The following GALNTL6 variants were observed in gnomAD, a reference collection of about 807,000 sequenced individuals.
The protein encoded by GALNTL6 is polypeptide N-acetylgalactosaminyltransferase like 6, also known as polypeptide N-acetylgalactosaminyltransferase-like 6.
In GALNTL6, 46 loss-of-function variants were observed where a neutral mutation model predicts 73.7. The ratio of observed to expected loss-of-function variants is 0.62; its 90% confidence interval spans 0.49 to 0.80. GALNTL6 has a LOEUF of 0.80. Ranked by LOEUF, GALNTL6 falls within the 30% of genes least tolerant of loss-of-function variation. The probability of loss-of-function intolerance (pLI) is 0.00; values close to 1 mark genes in which losing one functional copy is unlikely to be tolerated. For synonymous variants in GALNTL6, 259 were observed against 263.7 expected (o/e 0.98, Z 0.17); for missense variants, 604 against 755.0 (o/e 0.80, Z 2.34).
intron 2 of GALNTL6, among the ~76,000 whole-genome samples, chr4:171,834,221 C>T (rs1735045478): frequency 6.6e-6 from 1 of 151,894 alleles, no homozygotes; most frequent in African/African-American, 2.4e-5. Flanking sequence ...CATTTGCTCT[C>T]ACGGAATTGA....
intron 5 of GALNTL6, among the ~76,000 whole-genome samples, chr4:172,429,790 G>C (rs1260356866): frequency 6.6e-6 from 1 of 152,132 alleles, no homozygotes; most frequent in Non-Finnish European, 1.5e-5. Flanking sequence ...TTTGGGAATA[G>C]TATAATCTAT....
intron 5 of GALNTL6, among the ~76,000 whole-genome samples, chr4:172,687,269 A>G (rs1439479552): frequency 1.3e-5 from 2 of 152,110 alleles, no homozygotes; most frequent in Non-Finnish European, 2.9e-5. Context: ...TTCCATCTGC[A>G]ATATATTTGA....
intron 7 of GALNTL6, among the ~76,000 whole-genome samples, chr4:172,824,377 AGTGT>A (rs770886009): frequency 6.2e-5 from 5 of 80,224 alleles, no homozygotes; most frequent in East Asian, 4.0e-4. Flanking sequence ...TGTGTGTGTG[AGTGT>A]GTGTGTGTGT....
chr4:171,852,558 A>G (rs1228103303), intron 2 of GALNTL6, among the ~76,000 whole-genome samples: 1 of 151,462 alleles, frequency 6.6e-6, no homozygotes, highest in East Asian at 1.9e-4. Context: ...AGCTTTCTTT[A>G]TATTTATTTA....
At chr4:172,349,846 T>TAA (rs66675725) in intron 5 of GALNTL6, among the ~76,000 whole-genome samples, 1 of 120,460 alleles carries the variant, frequency 8.3e-6, no homozygotes, top group Non-Finnish European at 1.8e-5. Flanking sequence ...TATATATATA[T>TAA]TTTTTTTAAA....
chr4:171,976,533 C>G, intron 2 of GALNTL6, among the ~76,000 whole-genome samples: 1 of 152,148 alleles, frequency 6.6e-6, no homozygotes, highest in Admixed American at 6.5e-5. Flanking sequence ...CCACTGAATA[C>G]TTCTAATGAG....
rs187467497 is a variant in GALNTL6 at position 172,803,837 on chromosome 4, T to C, written c.554-5524T>C. Among the ~76,000 whole-genome samples, 7 of 152,332 alleles carry C rather than the reference T, an allele frequency of 4.6e-5. No individual in the cohort carries two copies. The East Asian group carries it at 1.4e-3, about 29-fold the overall frequency. On this transcript the variant is annotated intron_variant, in intron 5 of 12. Transcript: ENST00000506823. ...CCAGAGATAGAACCAGCTGAAATCA[T>C]ACTAGAAGCAATTAAACATGGTTTC...
At chr4:172,281,469 C>T (rs1466922839) in intron 3 of GALNTL6, among the ~76,000 whole-genome samples, 1 of 151,912 alleles carries the variant, frequency 6.6e-6, no homozygotes, top group African/African-American at 2.4e-5. Flanking sequence ...CCAAGGCAGT[C>T]GGATCACTTG....
At chr4:172,780,306 T>C (rs1393623466) in intron 5 of GALNTL6, among the ~76,000 whole-genome samples, 1 of 152,224 alleles carries the variant, frequency 6.6e-6, no homozygotes, top group Non-Finnish European at 1.5e-5. Context: ...GAAAGTAGTT[T>C]AGTCTACCCA....
intron 5 of GALNTL6, among the ~76,000 whole-genome samples, chr4:172,582,166 C>G (rs1467915909): frequency 6.6e-6 from 1 of 152,160 alleles, no homozygotes; most frequent in Non-Finnish European, 1.5e-5. Context: ...GATGACAACA[C>G]AAGGTAAGCA....
At chr4:171,988,445 G>T (rs1027948935) in intron 2 of GALNTL6, among the ~76,000 whole-genome samples, 1 of 152,190 alleles carries the variant, frequency 6.6e-6, no homozygotes, top group Non-Finnish European at 1.5e-5. Context: ...GGGTGTCAGG[G>T]TCAGTCTAAG....
At chr4:172,342,969 C>A (rs1384864212) in intron 4 of GALNTL6, among the ~76,000 whole-genome samples, 1 of 152,152 alleles carries the variant, frequency 6.6e-6, no homozygotes, top group Non-Finnish European at 1.5e-5. Flanking sequence ...TGACAGTGAT[C>A]AAGATGTTGG....
At chr4:172,007,663 G>C (rs766424951) in intron 2 of GALNTL6, among the ~76,000 whole-genome samples, 1 of 151,986 alleles carries the variant, frequency 6.6e-6, no homozygotes, top group Non-Finnish European at 1.5e-5. Context: ...TTAGAATTTG[G>C]ACTAATTATT....
At position 171,905,636 on chromosome 4, in the gene GALNTL6, A is replaced by C. The variant is rs542397692; in HGVS notation, c.138+90918A>C. ...AGGAATTGAACTCAGCTCTGCACCA[A>C]GTGGACCTAATAGACATCTACAGAA... On this transcript the variant is annotated intron_variant, in intron 2 of 12. Coordinates refer to ENST00000506823, the MANE Select transcript of GALNTL6 (RefSeq NM_001034845.3). 1.4e-3 allele frequency among the ~76,000 whole-genome samples: 212 copies of C among 150,282 alleles called. 2 individuals carry two copies. The highest frequency in any genetic ancestry group is 2.5e-3 in the Non-Finnish European group (169 of 68,020).
Position 172,385,463 on chromosome 4 carries a change from G to T in GALNTL6, c.553+36774G>T, listed in dbSNP as rs1012403566. On this transcript the variant is annotated intron_variant, in intron 5 of 12. Transcript: ENST00000506823. ...GTGTACTTTGAGACTTTTTCCTGTGGTTCACATGTATTTATACTTGTTATG... is the reference window on the plus strand; with the variant it reads ...GTGTACTTTGAGACTTTTTCCTGTGTTTCACATGTATTTATACTTGTTATG... Among the ~76,000 whole-genome samples the T allele has an allele frequency of 2.2e-4, 34 of 151,876 alleles. 1 individual carries two copies. The highest frequency in any genetic ancestry group is 7.7e-4 in the African/African-American group (32 of 41,460).
intron 5 of GALNTL6, among the ~76,000 whole-genome samples, chr4:172,585,953 C>T (rs1400487140): frequency 6.6e-6 from 1 of 152,076 alleles, no homozygotes; most frequent in African/African-American, 2.4e-5. Flanking sequence ...ATCAAAACGA[C>T]AATGAGACAC....
At chr4:172,281,529 T>C (rs1479226055) in intron 3 of GALNTL6, among the ~76,000 whole-genome samples, 1 of 151,648 alleles carries the variant, frequency 6.6e-6, no homozygotes, top group Non-Finnish European at 1.5e-5. Context: ...ACCCTGTCTC[T>C]ACTAAAAAAA....
At chr4:172,422,691 G>A (rs1395575886) in intron 5 of GALNTL6, among the ~76,000 whole-genome samples, 1 of 151,708 alleles carries the variant, frequency 6.6e-6, no homozygotes, top group African/African-American at 2.4e-5. Context: ...TAATGTATTT[G>A]TCATCTCCAT....
chr4:172,188,187 C>T (rs547582232), intron 2 of GALNTL6, among the ~76,000 whole-genome samples: 5 of 152,232 alleles, frequency 3.3e-5, no homozygotes, highest in African/African-American at 1.2e-4. Flanking sequence ...ACAGGTTTGA[C>T]CATAACGCAT....
Sources: gnomAD v4.1 joint callset for allele counts (sites outside exome capture counted in the v4.1 genomes callset) on GRCh38, gnomAD v4.1.1 for gene constraint, MANE v1.5 for transcripts, NCBI Gene and HGNC (gene_info 2026-07-23, HGNC 2026-07-21) for gene names.